SPATA17: variants seen among roughly 807,000 people sequenced by gnomAD.
SPATA17 encodes the protein spermatogenesis associated 17, also known as spermatogenesis-associated protein 17.
A neutral mutation model predicts 62.2 loss-of-function variants in SPATA17; 53 were observed. That is an observed-to-expected ratio of 0.85 (90% confidence interval 0.68 to 1.07). The LOEUF is 1.07. Among genes scored for constraint, SPATA17 ranks in the 50% least tolerant of loss-of-function variants. The probability of loss-of-function intolerance (pLI) is 0.00; values close to 1 mark genes in which losing one functional copy is unlikely to be tolerated. For synonymous variants in SPATA17, 146 were observed against 146.8 expected, an observed-to-expected ratio of 0.99 and a Z score of 0.04; for missense variants, 466 against 425.5, an observed-to-expected ratio of 1.10 and a Z score of -0.84.
At chr1:217,832,977 C>G (rs1334688765) in intron 9 of SPATA17, among the ~76,000 whole-genome samples, 1 of 151,968 alleles carries the variant, frequency 6.6e-6, no homozygotes, top group African/African-American at 2.4e-5. Flanking sequence ...TTCAAAAAAG[C>G]TTCTTTCTGC....
chr1:217,779,909 C>A (rs1414745903), intron 7 of SPATA17, among the ~76,000 whole-genome samples: 1 of 151,940 alleles, frequency 6.6e-6, no homozygotes, highest in Non-Finnish European at 1.5e-5. Context: ...TACAGCAGAA[C>A]ATAAATATAT....
chr1:217,728,803 C>T (rs565874689), intron 5 of SPATA17, among the ~76,000 whole-genome samples: 122 of 152,164 alleles, frequency 8.0e-4, no homozygotes, highest in African/African-American at 2.4e-3. Context: ...TGCAGTTTCA[C>T]GATTTATCTA....
At chr1:217,684,572 G>A (rs564576676) in intron 5 of SPATA17, among the ~76,000 whole-genome samples, 15 of 151,986 alleles carry the variant, frequency 9.9e-5, no homozygotes, top group African/African-American at 3.1e-4. Flanking sequence ...ATGCCACCAC[G>A]CCCAGCTAAT....
At chr1:217,698,550 T>C (rs938506085) in intron 5 of SPATA17, among the ~76,000 whole-genome samples, 1 of 150,872 alleles carries the variant, frequency 6.6e-6, no homozygotes, top group African/African-American at 2.4e-5. Flanking sequence ...CCTTTGCCTT[T>C]GAGACAATTG....
intron 2 of SPATA17, among the ~76,000 whole-genome samples, chr1:217,650,465 G>A (rs1050454957): frequency 2.0e-5 from 3 of 151,706 alleles, no homozygotes; most frequent in Admixed American, 6.6e-5. Context: ...CACCCAGGTT[G>A]GAGTGCAGTG....
rs1676129569 is a variant in SPATA17, at chr1:217,871,582, T to G, written c.*4563T>G. On this transcript the variant is annotated 3_prime_UTR_variant, in exon 11 of 11. Coordinates refer to ENST00000366933, the MANE Select transcript of SPATA17 (RefSeq NM_138796.4). ...CAAGTTACAGATTTTAATAAACCAC[T>G]GTGCAAAGCATTAGGATAAATTTTT... 6.6e-6 allele frequency: 1 copy of G among 152,162 alleles called. No individual in the cohort carries two copies. Among genetic ancestry groups the G allele is most frequent in the African/African-American group, 2.4e-5 (1 of 41,456 alleles). 9.4% of individuals were successfully genotyped at this position (152,162 alleles called of 1,614,324 possible).
At chr1:217,770,658 A>T (rs1673415654) in intron 6 of SPATA17, among the ~76,000 whole-genome samples, 1 of 152,194 alleles carries the variant, frequency 6.6e-6, no homozygotes, top group African/African-American at 2.4e-5. Context: ...TTTTTCATGG[A>T]ATAAAATAGT....
At chr1:217,813,303 C>T (rs904343075) in intron 9 of SPATA17, among the ~76,000 whole-genome samples, 1 of 152,108 alleles carries the variant, frequency 6.6e-6, no homozygotes, top group Admixed American at 6.5e-5. Context: ...GCTTAACGAC[C>T]GTGATTATGA....
intron 8 of SPATA17, among the ~76,000 whole-genome samples, chr1:217,798,891 T>C (rs11117941): frequency 0.26 from 38,715 of 148,318 alleles, 5,433 homozygotes; most frequent in East Asian, 0.49. Flanking sequence ...TTTTTTTTTT[T>C]CTGAGACGGA....
At chr1:217,782,095 A>T (rs1030823755) in intron 7 of SPATA17, 79 bp from the exon 8 acceptor site, 1 of 1,369,394 alleles carries the variant, frequency 7.3e-7, no homozygotes, top group African/African-American at 1.5e-5. Context: ...TACTTTGTAG[A>T]TGTTCACTAG....
rs1252092205 is a variant in SPATA17 at position 217,774,612 on chromosome 1, T to G, written c.723+75T>G. ...TTTTTGCACTTTTTATATAACACTA[T>G]CTTAATTTAACCATTTTTAATTATA... On this transcript the variant is annotated intron_variant, in intron 7 of 10. Transcript: ENST00000366933. 2.4e-6 allele frequency: 3 copies of G among 1,227,574 alleles called. No individual in the cohort carries two copies. The African/African-American group carries it at 4.6e-5, about 19-fold the overall frequency. The allele number at this position is 1,227,574 out of a possible 1,614,324, so 76.0% of individuals were successfully genotyped here. A position where few individuals can be genotyped will look rare whatever the true frequency, so the allele number is the denominator to read the frequency against.
Position 217,683,367 on chromosome 1 carries a change from T to TTCGGA in SPATA17, c.395+6_395+7insTCGGA. 1 of 1,553,296 alleles carries TTCGGA rather than the reference T, an allele frequency of 6.4e-7. No individual in the cohort carries two copies. Among genetic ancestry groups the TTCGGA allele is most frequent in the Non-Finnish European group, 8.9e-7 (1 of 1,127,156 alleles). On this transcript the variant is annotated splice_region_variant and intron_variant, in intron 5 of 10. Transcript: ENST00000366933. ...GAGACCAATGATGCAATTAGGTAAG[T>TTCGGA]AGTGCAATCATCCATTCACTAGGGA...
At chr1:217,634,370 G>T (rs570541877) in intron 1 of SPATA17, among the ~76,000 whole-genome samples, 2 of 152,272 alleles carry the variant, frequency 1.3e-5, no homozygotes, top group Non-Finnish European at 2.9e-5. Context: ...AGTCAGGAGG[G>T]CTGATTGGTT....
intron 6 of SPATA17, among the ~76,000 whole-genome samples, chr1:217,746,583 C>T (rs11586629): frequency 2.7e-5 from 4 of 150,914 alleles, no homozygotes; most frequent in East Asian, 1.9e-4. Context: ...AATAATTTTA[C>T]GATGATTATG....
chr1:217,825,602 T>C (rs1571829881), intron 9 of SPATA17, among the ~76,000 whole-genome samples: 1 of 151,982 alleles, frequency 6.6e-6, no homozygotes, highest in Admixed American at 6.6e-5. Flanking sequence ...ATATAACATA[T>C]ACATATATGT....
intron 5 of SPATA17, among the ~76,000 whole-genome samples, chr1:217,709,018 G>T (rs1558574800): frequency 6.6e-6 from 1 of 151,722 alleles, no homozygotes; most frequent in African/African-American, 2.4e-5. Flanking sequence ...AACAAACAAG[G>T]CATTGAAGGA....
At chr1:217,685,309 G>C (rs1041940389) in intron 5 of SPATA17, among the ~76,000 whole-genome samples, 1 of 152,146 alleles carries the variant, frequency 6.6e-6, no homozygotes, top group Non-Finnish European at 1.5e-5. Flanking sequence ...GAAAGTCAAG[G>C]AGGCAAATAG....
intron 6 of SPATA17, among the ~76,000 whole-genome samples, chr1:217,750,930 T>C (rs1401770186): frequency 1.3e-5 from 2 of 152,178 alleles, no homozygotes; most frequent in Non-Finnish European, 2.9e-5. Context: ...CAGTAAACCA[T>C]GGTCACAATA....
chr1:217,789,199 A>G lies in SPATA17; in HGVS notation c.872+6877A>G, dbSNP rs914004801. 4.6e-5 allele frequency among the ~76,000 whole-genome samples: 7 copies of G among 152,332 alleles called. No individual in the cohort carries two copies. In the South Asian group the frequency reaches 8.3e-4, roughly 18 times the overall value. ...TAGAAAAACAAAAAAGTATTAATTT[A>G]CTGATAGTTATTCAGAGTAGGTGAA... On this transcript the variant is annotated intron_variant, in intron 8 of 10. Coordinates refer to ENST00000366933, the MANE Select transcript of SPATA17 (RefSeq NM_138796.4).
Sources: allele counts gnomAD v4.1 joint callset (sites outside exome capture counted in the v4.1 genomes callset), GRCh38; gene constraint gnomAD v4.1.1; transcripts MANE v1.5; gene names NCBI Gene and HGNC (gene_info 2026-07-23, HGNC 2026-07-21).